SNX8: variants seen among roughly 807,000 people sequenced by gnomAD.
SNX8 encodes the protein sorting nexin-8.
In SNX8, 25 loss-of-function variants were observed where a neutral mutation model predicts 51.6. That is an observed-to-expected ratio of 0.48 (90% CI 0.35 to 0.68). SNX8 has a LOEUF of 0.68. SNX8 is among the 30% of genes least tolerant of loss of function. The probability of loss-of-function intolerance (pLI) is 0.00; values close to 1 mark genes in which losing one functional copy is unlikely to be tolerated. For missense variants in SNX8, 695 were observed against 624.0 expected (o/e 1.11, Z -1.21); for synonymous variants, 324 against 277.0 (o/e 1.17, Z -1.68).
intron 1 of SNX8, among the ~76,000 whole-genome samples, chr7:2,302,291 G>T (rs1349288658): frequency 1.3e-5 from 2 of 152,218 alleles, no homozygotes; most frequent in African/African-American, 2.4e-5. Flanking sequence ...TTTTGGTGGA[G>T]ACGGGGTTTC....
At chr7:2,255,265 G>A (rs1402306125) in intron 10 of SNX8, 96 bp from the exon 11 acceptor site, 2 of 782,766 alleles carry the variant, frequency 2.6e-6, no homozygotes, top group Admixed American at 5.6e-5. Context: ...TGACAGGGAG[G>A]GAGGGGCCCT....
chr7:2,272,867 CTT>C (rs1052752162), intron 3 of SNX8, among the ~76,000 whole-genome samples: 2 of 151,950 alleles, frequency 1.3e-5, no homozygotes, highest in East Asian at 2.0e-4. Flanking sequence ...GAGTTTCACT[CTT>C]GTCGCCCAGG....
intron 10 of SNX8, 71 bp from the exon 11 acceptor site, chr7:2,255,240 T>G: frequency 4.0e-6 from 4 of 993,870 alleles, no homozygotes; most frequent in Non-Finnish European, 5.8e-6. Context: ...TGATCCCAGT[T>G]CCTTCGCCTG....
intron 1 of SNX8, among the ~76,000 whole-genome samples, chr7:2,305,866 A>G (rs1209131558): frequency 1.3e-5 from 2 of 151,942 alleles, no homozygotes; most frequent in African/African-American, 4.8e-5. Flanking sequence ...GAACTGCTTG[A>G]GCCCAGGAGT....
intron 1 of SNX8, among the ~76,000 whole-genome samples, chr7:2,302,833 C>A (rs1307484106): frequency 6.6e-6 from 1 of 151,578 alleles, no homozygotes; most frequent in Non-Finnish European, 1.5e-5. Context: ...GCCCGGCCGC[C>A]CCGTCTGAGA....
intron 1 of SNX8, among the ~76,000 whole-genome samples, chr7:2,343,720 T>C (rs1778973140): frequency 2.0e-5 from 3 of 151,780 alleles, no homozygotes. Context: ...CTGTAGAAGG[T>C]AAAAATGCCA....
intron 1 of SNX8, among the ~76,000 whole-genome samples, chr7:2,306,004 G>T (rs988257392): frequency 2.0e-5 from 3 of 152,144 alleles, no homozygotes; most frequent in African/African-American, 7.2e-5. Context: ...TCCCGCCAGA[G>T]GGAACTACCA....
chr7:2,287,257 A>G (rs1796053056), intron 1 of SNX8, among the ~76,000 whole-genome samples: 1 of 150,712 alleles, frequency 6.6e-6, no homozygotes, highest in Admixed American at 6.6e-5. Context: ...CTCTGTTTCA[A>G]AAAAAAAAGA....
intron 1 of SNX8, among the ~76,000 whole-genome samples, chr7:2,294,155 C>T (rs551852494): frequency 2.0e-5 from 3 of 151,258 alleles, no homozygotes; most frequent in South Asian, 2.1e-4. Context: ...CTCAGCTACT[C>T]GGGAGGCTGA....
At chr7:2,268,047 C>A (rs529315328) in intron 5 of SNX8, among the ~76,000 whole-genome samples, 1 of 143,356 alleles carries the variant, frequency 7.0e-6, no homozygotes, top group Non-Finnish European at 1.6e-5. Context: ...GGCCAGCCAC[C>A]CCGTCCGGGA....
At position 2,305,147 on chromosome 7, in the gene SNX8, G is replaced by A. The variant is rs183163612; in HGVS notation, c.94+9181C>T. 4.9e-4 allele frequency among the ~76,000 whole-genome samples: 75 copies of A among 152,298 alleles called. 2 individuals carry two copies. The highest frequency in any genetic ancestry group is 1.2e-3 in the African/African-American group (51 of 41,576). ...CTGAGCCAGCAGCACTCAGGCCTCA[G>A]AAACAGCTGGAGGCAGGGGAGCTCT... On this transcript the variant is annotated intron_variant, in intron 1 of 10. Transcript: ENST00000222990.
chr7:2,305,076 G>GCTGCCGGTGGGTCACCGAAACAGC (rs1207280164), intron 1 of SNX8, among the ~76,000 whole-genome samples: 1 of 152,188 alleles, frequency 6.6e-6, no homozygotes, highest in African/African-American at 2.4e-5. Context: ...TTCCTGCTGT[G>GCTGCCGGTGGGTCACCGAAACAGC]CTGCCGGTGG....
chr7:2,286,521 AAT>A, intron 1 of SNX8, among the ~76,000 whole-genome samples: 1 of 149,816 alleles, frequency 6.7e-6, no homozygotes, highest in East Asian at 2.0e-4. Context: ...GCTATTTTAT[AAT>A]TTTTTTTTTT....
chr7:2,353,064 G>A (rs574795698), intron 1 of SNX8, among the ~76,000 whole-genome samples: 2 of 152,268 alleles, frequency 1.3e-5, no homozygotes, highest in East Asian at 1.9e-4. Flanking sequence ...GAAGCTGAGG[G>A]AGGAAGACTG....
chr7:2,331,135 A>C (rs993330875), intron 1 of SNX8, among the ~76,000 whole-genome samples: 3 of 150,398 alleles, frequency 2.0e-5, no homozygotes, highest in Non-Finnish European at 4.4e-5. Flanking sequence ...GCAGTGAGCA[A>C]AGATTGCACT....
chr7:2,313,625 G>C (rs921267122), intron 1 of SNX8, among the ~76,000 whole-genome samples: 3 of 152,110 alleles, frequency 2.0e-5, no homozygotes, highest in African/African-American at 7.2e-5. Context: ...CACTTTGGGA[G>C]GCCAAGGCAG....
At chr7:2,349,549 A>ATTCTCCTG (rs1264027489) in intron 1 of SNX8, among the ~76,000 whole-genome samples, 2 of 150,536 alleles carry the variant, frequency 1.3e-5, no homozygotes, top group African/African-American at 4.9e-5. Context: ...TGTTCAAGCG[A>ATTCTCCTG]TTCTCCTGCC....
At chr7:2,340,818 C>T (rs906509473) in intron 1 of SNX8, among the ~76,000 whole-genome samples, 63 of 139,610 alleles carry the variant, frequency 4.5e-4, no homozygotes, top group African/African-American at 1.6e-3. Context: ...GGTTGCGCCA[C>T]TGCACTCCAG....
At chr7:2,278,671 G>A (rs1468741629) in intron 1 of SNX8, among the ~76,000 whole-genome samples, 4 of 117,698 alleles carry the variant, frequency 3.4e-5, no homozygotes, top group Non-Finnish European at 5.1e-5. Flanking sequence ...AGTCGACGCC[G>A]GACTCACTCA....
Sources: allele counts gnomAD v4.1 joint callset (sites outside exome capture counted in the v4.1 genomes callset), GRCh38; gene constraint gnomAD v4.1.1; transcripts MANE v1.5; gene names NCBI Gene and HGNC (gene_info 2026-07-23, HGNC 2026-07-21).